The following IL1RAPL2 variants were observed in gnomAD, a reference collection of about 807,000 sequenced individuals.
IL1RAPL2 encodes X-linked interleukin-1 receptor accessory protein-like 2.
In IL1RAPL2, 3 loss-of-function variants were observed where a neutral mutation model predicts 44.1. The observed-to-expected ratio is 0.07, with a 90% CI of 0.03 to 0.18. The LOEUF is 0.18. Ranked by LOEUF, IL1RAPL2 falls within the 10% of genes least tolerant of loss-of-function variation. The probability of loss-of-function intolerance (pLI) is 1.00; values close to 1 mark genes in which losing one functional copy is unlikely to be tolerated. For missense variants in IL1RAPL2, 391 were observed against 496.4 expected, an observed-to-expected ratio of 0.79 and a Z score of 2.02; for synonymous variants, 181 against 178.8, an observed-to-expected ratio of 1.01 and a Z score of -0.10.
Position 105,506,305 on chromosome X carries a change from A to T in IL1RAPL2, c.772+21918A>T, listed in dbSNP as rs149764535. 7.2e-5 allele frequency among the ~76,000 whole-genome samples: 8 copies of T among 111,553 alleles called. No individual in the cohort carries two copies. In the East Asian group the frequency reaches 2.3e-3, roughly 32 times the overall value. ...TGTCCAGGTGGTTCTCTTGCTGCAC[A>T]TGATTTTGACTGTGGCCACTCATGC... On this transcript the variant is annotated intron_variant, in intron 6 of 10. Coordinates refer to ENST00000372582, the MANE Select transcript of IL1RAPL2 (RefSeq NM_017416.2).
At chrX:105,346,162 G>A (rs1012190440) in intron 5 of IL1RAPL2, among the ~76,000 whole-genome samples, 8 of 111,741 alleles carry the variant, frequency 7.2e-5, no homozygotes, top group Non-Finnish European at 1.3e-4. Context: ...TGTTTGAATG[G>A]GCTGTCTCTC....
At chrX:104,950,653 G>C (rs930784077) in intron 2 of IL1RAPL2, among the ~76,000 whole-genome samples, 1 of 112,382 alleles carries the variant, frequency 8.9e-6, no homozygotes, top group Non-Finnish European at 1.9e-5. Flanking sequence ...TCCGAGCTAG[G>C]TGCAGGATGT....
chrX:104,820,550 A>G (rs1921273084), intron 2 of IL1RAPL2, among the ~76,000 whole-genome samples: 2 of 111,882 alleles, frequency 1.8e-5, no homozygotes, highest in Admixed American at 1.9e-4. Context: ...CCTCCATGCT[A>G]CATTGTGACC....
intron 2 of IL1RAPL2, among the ~76,000 whole-genome samples, chrX:105,033,657 T>C (rs1393285946): frequency 8.1e-5 from 9 of 111,609 alleles, no homozygotes; most frequent in African/African-American, 2.9e-4. Context: ...GCCCTTAACA[T>C]TTTTTCCTTC....
chrX:104,614,636 C>A (rs1159182207), intron 1 of IL1RAPL2, among the ~76,000 whole-genome samples: 1 of 111,752 alleles, frequency 8.9e-6, no homozygotes, highest in Non-Finnish European at 1.9e-5. Context: ...AAGTTCCACA[C>A]TATTATTGTG....
At chrX:105,638,774 T>C (rs1184545510) in intron 6 of IL1RAPL2, among the ~76,000 whole-genome samples, 2 of 112,433 alleles carry the variant, frequency 1.8e-5, no homozygotes, top group East Asian at 5.6e-4. Context: ...GTGGGCACCA[T>C]GTATGGTGCA....
At chrX:104,682,322 CTG>C (rs751153630) in intron 2 of IL1RAPL2, among the ~76,000 whole-genome samples, 1 of 112,369 alleles carries the variant, frequency 8.9e-6, no homozygotes, top group Admixed American at 9.5e-5. Flanking sequence ...GATCCTAAAA[CTG>C]TGCTAGTTGG....
At chrX:105,058,741 A>C (rs1347142282) in intron 2 of IL1RAPL2, among the ~76,000 whole-genome samples, 1 of 112,234 alleles carries the variant, frequency 8.9e-6, no homozygotes, top group Non-Finnish European at 1.9e-5. Flanking sequence ...CAATTCAGAT[A>C]ATATCATTGA....
intron 2 of IL1RAPL2, among the ~76,000 whole-genome samples, chrX:104,975,674 T>C (rs1483726764): frequency 8.9e-6 from 1 of 112,436 alleles, no homozygotes; most frequent in Non-Finnish European, 1.9e-5. Flanking sequence ...GCTCCAAGTG[T>C]TTTCTTATTT....
At chrX:104,867,847 A>G (rs1922658963) in intron 2 of IL1RAPL2, among the ~76,000 whole-genome samples, 1 of 112,383 alleles carries the variant, frequency 8.9e-6, no homozygotes, top group Non-Finnish European at 1.9e-5. Flanking sequence ...CAGTGAGTGC[A>G]GTGACCTGTG....
intron 2 of IL1RAPL2, among the ~76,000 whole-genome samples, chrX:104,837,481 A>C (rs1345468750): frequency 1.8e-5 from 2 of 112,206 alleles, no homozygotes. Context: ...ATGATCACTG[A>C]TGATGAGCTT....
chrX:104,908,791 C>T (rs948240173), intron 2 of IL1RAPL2, among the ~76,000 whole-genome samples: 2 of 108,631 alleles, frequency 1.8e-5, no homozygotes, highest in African/African-American at 6.7e-5. Flanking sequence ...CTTGGAGTTG[C>T]TCTTCTCGAG....
intron 5 of IL1RAPL2, among the ~76,000 whole-genome samples, chrX:105,446,825 C>T (rs751654245): frequency 9.3e-5 from 10 of 107,115 alleles, no homozygotes; most frequent in African/African-American, 2.7e-4. Context: ...GTAGTTCACA[C>T]ACCACCAATT....
At chrX:105,072,284 G>C (rs1433185750) in intron 2 of IL1RAPL2, among the ~76,000 whole-genome samples, 1 of 111,772 alleles carries the variant, frequency 8.9e-6, no homozygotes, top group Admixed American at 9.5e-5. Context: ...AGAACCATTA[G>C]TCAATTAAAC....
chrX:105,198,212 T>C (rs1476874686), intron 3 of IL1RAPL2, among the ~76,000 whole-genome samples: 1 of 111,968 alleles, frequency 8.9e-6, no homozygotes, highest in African/African-American at 3.2e-5. Context: ...TAAATACATA[T>C]GTGCATGTGT....
At chrX:104,927,507 T>C (rs927102450) in intron 2 of IL1RAPL2, among the ~76,000 whole-genome samples, 1 of 111,715 alleles carries the variant, frequency 9.0e-6, no homozygotes, top group Admixed American at 9.6e-5. Context: ...AAGGAATGAA[T>C]GGAGTTTAAA....
intron 2 of IL1RAPL2, among the ~76,000 whole-genome samples, chrX:104,669,397 T>C (rs1371764342): frequency 9.0e-6 from 1 of 111,122 alleles, no homozygotes; most frequent in Non-Finnish European, 1.9e-5. Flanking sequence ...GTCTCCATCA[T>C]TATCTCATTT....
At chrX:105,461,627 C>G (rs772781290) in intron 5 of IL1RAPL2, among the ~76,000 whole-genome samples, 33 of 111,718 alleles carry the variant, frequency 3.0e-4, no homozygotes, top group Non-Finnish European at 5.1e-4. Flanking sequence ...CTTAGGCAAT[C>G]TGTATTTTAA....
intron 2 of IL1RAPL2, among the ~76,000 whole-genome samples, chrX:104,722,475 G>C (rs1444124171): frequency 9.0e-6 from 1 of 110,870 alleles, no homozygotes; most frequent in African/African-American, 3.3e-5. Flanking sequence ...AGGGAGACAG[G>C]GTCTATGTTT....
Sources: allele counts gnomAD v4.1 joint callset (sites outside exome capture counted in the v4.1 genomes callset), GRCh38; gene constraint gnomAD v4.1.1; transcripts MANE v1.5; gene names NCBI Gene and HGNC (gene_info 2026-07-23, HGNC 2026-07-21).